SEMA3A: variants seen among roughly 807,000 people sequenced by gnomAD.
SEMA3A encodes the protein semaphorin 3A, also known as semaphorin-3A.
A neutral mutation model predicts 97.9 loss-of-function variants in SEMA3A; 29 were observed. The ratio of observed to expected loss-of-function variants is 0.30; its 90% CI spans 0.22 to 0.40. The LOEUF (loss-of-function observed/expected upper bound fraction) is 0.40. Ranked by LOEUF, SEMA3A falls within the 10% of genes least tolerant of loss-of-function variation. SEMA3A has a pLI of 1.00. For synonymous variants in SEMA3A, 321 were observed against 323.7 expected, an observed-to-expected ratio of 0.99 and a Z score of 0.09; for missense variants, 763 against 951.3, an observed-to-expected ratio of 0.80 and a Z score of 2.60.
chr7:84,081,212 G>C (rs945986976), intron 4 of SEMA3A, among the ~76,000 whole-genome samples: 1 of 151,966 alleles, frequency 6.6e-6, no homozygotes, highest in Non-Finnish European at 1.5e-5. Flanking sequence ...TGGACTGATG[G>C]GGGCATGATA....
intron 4 of SEMA3A, among the ~76,000 whole-genome samples, chr7:84,088,248 GATCGAGACC>G (rs976331246): frequency 6.6e-6 from 1 of 152,076 alleles, no homozygotes; most frequent in African/African-American, 2.4e-5. Context: ...AAGGTCGGGA[GATCGAGACC>G]ATCCTGGCTA....
At chr7:84,242,111 G>C (rs1242201942) in intron 3 of SEMA3A, among the ~76,000 whole-genome samples, 1 of 152,090 alleles carries the variant, frequency 6.6e-6, no homozygotes, top group African/African-American at 2.4e-5. Flanking sequence ...GGCTATACAG[G>C]CTCTTTTTTG....
rs182431121 is a variant in SEMA3A at position 83,961,063 on chromosome 7, A to G, written c.*308T>C. On this transcript the variant is annotated 3_prime_UTR_variant, in exon 17 of 17. Transcript: ENST00000265362. ...TTTAGATGGCAATATGGCAAATGACATTTTTATTTCTCAGGCAAAGAAGAA... is the reference window on the plus strand; with the variant it reads ...TTTAGATGGCAATATGGCAAATGACGTTTTTATTTCTCAGGCAAAGAAGAA... 2.9e-4 allele frequency: 92 copies of G among 320,702 alleles called. No individual in the cohort carries two copies. Among genetic ancestry groups the G allele is most frequent in the Non-Finnish European group, 4.2e-4 (74 of 174,404 alleles). 19.9% of individuals were successfully genotyped at this position (320,702 alleles called of 1,614,324 possible).
At chr7:83,986,573 A>G (rs1391671182) in intron 12 of SEMA3A, among the ~76,000 whole-genome samples, 1 of 152,148 alleles carries the variant, frequency 6.6e-6, no homozygotes, top group Non-Finnish European at 1.5e-5. Context: ...GACAAACATT[A>G]TGTGTCTTTC....
intron 1 of SEMA3A, among the ~76,000 whole-genome samples, chr7:84,440,038 G>T (rs1398883761): frequency 6.6e-6 from 1 of 152,082 alleles, no homozygotes; most frequent in African/African-American, 2.4e-5. Flanking sequence ...ATTACATTTG[G>T]AACAGAGGAA....
chr7:84,337,735 G>C (rs1371501498), intron 2 of SEMA3A, among the ~76,000 whole-genome samples: 1 of 152,160 alleles, frequency 6.6e-6, no homozygotes, highest in African/African-American at 2.4e-5. Context: ...GCTTTGTGCA[G>C]CTGGGGTTTG....
intron 1 of SEMA3A, among the ~76,000 whole-genome samples, chr7:84,172,207 A>G (rs915040051): frequency 1.3e-5 from 2 of 152,178 alleles, no homozygotes; most frequent in Non-Finnish European, 2.9e-5. Flanking sequence ...TGCACACTCC[A>G]TGTGCCACAT....
chr7:84,337,069 A>T (rs2115971602), intron 2 of SEMA3A, among the ~76,000 whole-genome samples: 1 of 152,246 alleles, frequency 6.6e-6, no homozygotes, highest in Non-Finnish European at 1.5e-5. Flanking sequence ...TTGGACAAGT[A>T]ACTTAAACTC....
At chr7:84,068,844 T>C (rs936363604) in intron 4 of SEMA3A, among the ~76,000 whole-genome samples, 1 of 152,080 alleles carries the variant, frequency 6.6e-6, no homozygotes, top group African/African-American at 2.4e-5. Context: ...CAAGAGAAGA[T>C]GAAAAACTAT....
intron 12 of SEMA3A, among the ~76,000 whole-genome samples, chr7:83,995,427 T>C (rs181518837): frequency 2.7e-4 from 41 of 152,288 alleles, no homozygotes; most frequent in African/African-American, 7.5e-4. Flanking sequence ...TATTAAGATT[T>C]TAATATTCTT....
At chr7:84,045,408 A>C (rs1792309348) in intron 6 of SEMA3A, among the ~76,000 whole-genome samples, 1 of 151,942 alleles carries the variant, frequency 6.6e-6, no homozygotes, top group African/African-American at 2.4e-5. Flanking sequence ...TTATTTTTTA[A>C]GATTGAAGGT....
At chr7:84,317,223 G>A (rs1328104109) in intron 2 of SEMA3A, among the ~76,000 whole-genome samples, 1 of 152,108 alleles carries the variant, frequency 6.6e-6, no homozygotes, top group Non-Finnish European at 1.5e-5. Flanking sequence ...GTCACTAATG[G>A]TGATTGTTAG....
chr7:84,028,510 T>A (rs1456715005), intron 6 of SEMA3A, among the ~76,000 whole-genome samples: 1 of 152,220 alleles, frequency 6.6e-6, no homozygotes, highest in Non-Finnish European at 1.5e-5. Flanking sequence ...GTCTTTAACA[T>A]TTTATAATTC....
chr7:83,994,291 C>T (rs1434447694), intron 12 of SEMA3A, among the ~76,000 whole-genome samples: 3 of 110,814 alleles, frequency 2.7e-5, no homozygotes, highest in Admixed American at 2.0e-4. Flanking sequence ...GTAATTTGAT[C>T]GTCTGAAGCC....
At chr7:84,039,553 G>A (rs1249938830) in intron 6 of SEMA3A, among the ~76,000 whole-genome samples, 2 of 152,132 alleles carry the variant, frequency 1.3e-5, no homozygotes, top group Admixed American at 1.3e-4. Context: ...TTTGATTTGA[G>A]TATGGTAGAG....
intron 2 of SEMA3A, among the ~76,000 whole-genome samples, chr7:84,355,577 C>T (rs1229792043): frequency 1.3e-5 from 2 of 151,786 alleles, no homozygotes; most frequent in Non-Finnish European, 2.9e-5. Flanking sequence ...ATGGGATAAT[C>T]AGAACCTACA....
At chr7:84,103,831 G>A (rs1227669165) in intron 4 of SEMA3A, among the ~76,000 whole-genome samples, 1 of 152,050 alleles carries the variant, frequency 6.6e-6, no homozygotes, top group African/African-American at 2.4e-5. Context: ...TACCAAACAG[G>A]TGAACAGGCA....
chr7:84,055,305 C>T (rs188747472), intron 5 of SEMA3A, among the ~76,000 whole-genome samples: 7,599 of 152,230 alleles, frequency 0.05, 270 homozygotes, highest in East Asian at 0.19. Context: ...CCCCCCGCCT[C>T]GCTGCGGCCT....
intron 4 of SEMA3A, among the ~76,000 whole-genome samples, chr7:84,084,705 T>C (rs1250984999): frequency 6.6e-6 from 1 of 152,176 alleles, no homozygotes; most frequent in South Asian, 2.1e-4. Context: ...GTTAGCAAAA[T>C]AAATGTGGTT....
Sources: allele counts gnomAD v4.1 joint callset (sites outside exome capture counted in the v4.1 genomes callset), GRCh38; gene constraint gnomAD v4.1.1; transcripts MANE v1.5; gene names NCBI Gene and HGNC (gene_info 2026-07-23, HGNC 2026-07-21).